The following EGFL6 variants were observed in gnomAD, a reference collection of about 807,000 sequenced individuals.
The protein encoded by EGFL6 is epidermal growth factor-like protein 6.
A neutral mutation model predicts 43.1 loss-of-function variants in EGFL6; 42 were observed. The ratio of observed to expected loss-of-function variants is 0.98; its 90% CI spans 0.76 to 1.26. EGFL6 has a LOEUF of 1.26. EGFL6 is among the 50% of genes most tolerant of loss of function. The probability of loss-of-function intolerance (pLI) is 0.00; values close to 1 mark genes in which losing one functional copy is unlikely to be tolerated. For synonymous variants in EGFL6, 164 were observed against 163.2 expected (o/e 1.01, Z -0.04); for missense variants, 429 against 427.8 (o/e 1.00, Z -0.02).
chrX:13,608,548 C>A (rs112681548), intron 7 of EGFL6, 102 bp downstream of exon 7: 25 of 1,004,127 alleles, frequency 2.5e-5, no homozygotes, highest in Middle Eastern at 5.3e-4. Context: ...TCTTCCTCGC[C>A]TTCTCCCTCT....
At chrX:13,587,221 C>T (rs747681090) in intron 1 of EGFL6, among the ~76,000 whole-genome samples, 6 of 112,046 alleles carry the variant, frequency 5.4e-5, no homozygotes, top group South Asian at 3.7e-4. Context: ...GTGAATTTTA[C>T]GTTATGTAAA....
At chrX:13,599,524 G>A (rs562623970) in intron 3 of EGFL6, among the ~76,000 whole-genome samples, 196 of 110,376 alleles carry the variant, frequency 1.8e-3, no homozygotes, top group African/African-American at 6.2e-3. Context: ...TATAGTTGTC[G>A]TTTGTTCAGT....
At chrX:13,606,306 T>G in intron 5 of EGFL6, 73 bp from the exon 6 acceptor site, 3 of 1,074,309 alleles carry the variant, frequency 2.8e-6, no homozygotes, top group Non-Finnish European at 3.8e-6. Flanking sequence ...AAAGTAGCTG[T>G]GAGTGTGCGT....
chrX:13,574,631 G>T, intron 1 of EGFL6: 1 of 110,368 alleles, frequency 9.1e-6, no homozygotes, highest in Non-Finnish European at 1.9e-5. Flanking sequence ...ATAAGAAGAG[G>T]AGATTAGGGC....
intron 1 of EGFL6, among the ~76,000 whole-genome samples, chrX:13,577,632 C>A (rs1332547579): frequency 5.4e-5 from 6 of 110,660 alleles, no homozygotes; most frequent in Non-Finnish European, 9.4e-5. Context: ...AGCAAACATT[C>A]CAATGCTTAA....
intron 11 of EGFL6, among the ~76,000 whole-genome samples, chrX:13,631,793 AATAAAT>A (rs1236626678): frequency 9.0e-6 from 1 of 111,183 alleles, no homozygotes; most frequent in Non-Finnish European, 1.9e-5. Context: ...TCTCACAAAA[AATAAAT>A]ATAAATATAA....
intron 8 of EGFL6, among the ~76,000 whole-genome samples, chrX:13,618,277 A>G (rs971676420): frequency 1.2e-4 from 13 of 111,973 alleles, no homozygotes; most frequent in Non-Finnish European, 2.4e-4. Flanking sequence ...CTGTTCCCCT[A>G]CTTGGGGGGT....
At chrX:13,606,314 C>T (rs1275296341) in intron 5 of EGFL6, 65 bp from the exon 6 acceptor site, 9 of 1,116,747 alleles carry the variant, frequency 8.1e-6, no homozygotes, top group South Asian at 7.9e-5. Flanking sequence ...TGTGAGTGTG[C>T]GTGCGTGCAT....
intron 7 of EGFL6, among the ~76,000 whole-genome samples, chrX:13,610,510 A>C (rs2146700010): frequency 8.9e-6 from 1 of 111,997 alleles, no homozygotes; most frequent in South Asian, 3.8e-4. Flanking sequence ...GTATCCAATG[A>C]TGTCCTTCTG....
chrX:13,581,911 G>A (rs1457328300), intron 1 of EGFL6, among the ~76,000 whole-genome samples: 1 of 111,480 alleles, frequency 9.0e-6, no homozygotes, highest in Non-Finnish European at 1.9e-5. Flanking sequence ...TCAAGACTCG[G>A]TTCCCTGAGC....
chrX:13,612,605 C>T (rs1012836279), intron 7 of EGFL6, among the ~76,000 whole-genome samples: 1 of 111,215 alleles, frequency 9.0e-6, no homozygotes, highest in African/African-American at 3.3e-5. Context: ...GGGCTCCTCA[C>T]TTCCCAGACG....
chrX:13,592,725 C>T (rs948036387), intron 2 of EGFL6, among the ~76,000 whole-genome samples: 2 of 108,992 alleles, frequency 1.8e-5, no homozygotes, highest in African/African-American at 6.7e-5. Context: ...CAAGGTGGTC[C>T]TTGAAGAATG....
At chrX:13,608,656 T>C (rs1201988070) in intron 7 of EGFL6, among the ~76,000 whole-genome samples, 5 of 112,274 alleles carry the variant, frequency 4.5e-5, no homozygotes, top group African/African-American at 1.6e-4. Context: ...CTCACTGAAG[T>C]TGTAGGCACT....
chrX:13,576,140 C>T (rs1052003391), intron 1 of EGFL6, among the ~76,000 whole-genome samples: 4 of 112,150 alleles, frequency 3.6e-5, no homozygotes, highest in African/African-American at 1.3e-4. Flanking sequence ...ATTGGCTCAC[C>T]GTTCTGCAGG....
In EGFL6 at chrX:13,594,941, G is replaced by T. The variant is rs753169916; in HGVS notation, c.280+13G>T. 4 of 1,169,196 alleles carry T rather than the reference G, an allele frequency of 3.4e-6. No individual in the cohort carries two copies. The South Asian group carries it at 7.4e-5, about 22-fold the overall frequency. ...ACCTGCAGTCAAGGTCAGTAAGGTA[G>T]CCCAGGGTCATAGTTCAAATTCAAT... On this transcript the variant is annotated intron_variant, in intron 3 of 11. Coordinates refer to ENST00000361306, the MANE Select transcript of EGFL6 (RefSeq NM_015507.4).
At chrX:13,619,891 T>A (rs929422606) in intron 9 of EGFL6, among the ~76,000 whole-genome samples, 1 of 111,413 alleles carries the variant, frequency 9.0e-6, no homozygotes, top group Non-Finnish European at 1.9e-5. Flanking sequence ...TCTCTCATCC[T>A]CCAGCAGGCT....
In EGFL6 at chrX:13,629,801, G is replaced by T. The variant is rs567593540; in HGVS notation, c.1551+2525G>T. ...CTTGGCTATTTCCTCATTCAGGGTT[G>T]GGATAGGGGCCCCCTCCCTAGGGTA... On this transcript the variant is annotated intron_variant, in intron 11 of 11. Transcript: ENST00000361306. Among the ~76,000 whole-genome samples, 63 of 111,863 alleles carry T rather than the reference G, an allele frequency of 5.6e-4. 1 individual carries two copies. In the South Asian group the frequency reaches 0.023, roughly 40 times the overall value.
Position 13,594,818 on chromosome X carries a change from C to T in EGFL6, c.188-18C>T, listed in dbSNP as rs755532147. 3.3e-6 allele frequency: 4 copies of T among 1,197,452 alleles called. No homozygotes were observed. Among genetic ancestry groups the T allele is most frequent in the Middle Eastern group, 2.3e-4 (1 of 4,287 alleles). ...AACTACTGTTCTTTTATCATCAAGA[C>T]ATCTTTTCCTTCCACAGCTACATGC... On this transcript the variant is annotated intron_variant, in intron 2 of 11. Transcript: ENST00000361306.
chrX:13,619,345 C>T (rs189826048), intron 9 of EGFL6, 102 bp downstream of exon 9: 8 of 719,489 alleles, frequency 1.1e-5, no homozygotes, highest in East Asian at 6.8e-5. Flanking sequence ...CTGCTTCATT[C>T]GTAAACCCCC....
Sources: gnomAD v4.1 joint callset for allele counts (sites outside exome capture counted in the v4.1 genomes callset) on GRCh38, gnomAD v4.1.1 for gene constraint, MANE v1.5 for transcripts, NCBI Gene and HGNC (gene_info 2026-07-23, HGNC 2026-07-21) for gene names.